Variants in PCSK5 observed in about 807,000 individuals in gnomAD.
The protein encoded by PCSK5 is prohormone convertase 5.
Under a neutral mutation model 233.2 loss-of-function variants are expected in PCSK5, and 129 were observed. The ratio of observed to expected loss-of-function variants is 0.55; its 90% CI spans 0.48 to 0.64. The LOEUF (loss-of-function observed/expected upper bound fraction) is 0.64, where lower values mean the gene tolerates loss of function less well. PCSK5 is among the 30% of genes least tolerant of loss of function. The probability of loss-of-function intolerance (pLI) is 0.00; values close to 1 mark genes in which losing one functional copy is unlikely to be tolerated. For synonymous variants in PCSK5, 825 were observed against 879.2 expected (o/e 0.94, Z 1.09); for missense variants, 2,076 against 2,430.1 (o/e 0.85, Z 3.06).
intron 20 of PCSK5, among the ~76,000 whole-genome samples, chr9:76,192,431 TA>T (rs1223220462): frequency 6.6e-6 from 1 of 152,202 alleles, no homozygotes; most frequent in African/African-American, 2.4e-5. Context: ...TTCTAAGACA[TA>T]TATTTTTTAC....
intron 20 of PCSK5, among the ~76,000 whole-genome samples, chr9:76,212,272 T>G (rs572521203): frequency 1.3e-5 from 2 of 152,310 alleles, no homozygotes; most frequent in South Asian, 2.1e-4. Context: ...GCACTCCTGA[T>G]TGCTTATGGC....
chr9:75,957,459 C>T (rs1328532695), intron 2 of PCSK5, among the ~76,000 whole-genome samples: 1 of 152,132 alleles, frequency 6.6e-6, no homozygotes, highest in Admixed American at 6.6e-5. Flanking sequence ...ATTTCCTACA[C>T]TTGATGACTT....
At chr9:76,250,307 A>C (rs1826761510) in intron 24 of PCSK5, among the ~76,000 whole-genome samples, 1 of 152,206 alleles carries the variant, frequency 6.6e-6, no homozygotes, top group African/African-American at 2.4e-5. Flanking sequence ...TCTCAAAATA[A>C]GAAAGAAAGT....
At chr9:76,055,772 A>G (rs766468538) in intron 5 of PCSK5, among the ~76,000 whole-genome samples, 40 of 152,318 alleles carry the variant, frequency 2.6e-4, no homozygotes, top group Middle Eastern at 6.8e-3. Context: ...ACAAGGAGCT[A>G]GGATACCCTG....
intron 7 of PCSK5, among the ~76,000 whole-genome samples, chr9:76,084,277 C>T (rs1454287607): frequency 6.6e-6 from 1 of 152,186 alleles, no homozygotes; most frequent in East Asian, 1.9e-4. Flanking sequence ...ATCCAAGTAT[C>T]AAATTTAGGT....
intron 20 of PCSK5, chr9:76,193,307 G>C (rs201957144): frequency 1.2e-6 from 2 of 1,612,100 alleles, no homozygotes; most frequent in African/African-American, 2.7e-5. Flanking sequence ...GCCAACGGAA[G>C]GTTCTTCAAC....
At chr9:75,901,219 C>T (rs964570261) in intron 1 of PCSK5, among the ~76,000 whole-genome samples, 2 of 152,144 alleles carry the variant, frequency 1.3e-5, no homozygotes, top group Admixed American at 1.3e-4. Flanking sequence ...TTGGAACCAA[C>T]CCAAATGCCC....
intron 24 of PCSK5, among the ~76,000 whole-genome samples, chr9:76,247,582 TAGTC>T (rs1826656566): frequency 6.6e-6 from 1 of 152,164 alleles, no homozygotes; most frequent in African/African-American, 2.4e-5. Flanking sequence ...TAGGGATTCT[TAGTC>T]AGCCTAGGAA....
Position 76,176,424 on chromosome 9 carries a change from T to C in PCSK5, c.1900+1295T>C, listed in dbSNP as rs1587720924. On this transcript the variant is annotated intron_variant, in intron 14 of 37. Transcript: ENST00000674117. ...TTTTCATTTCATGATGTTATTTTTA[T>C]ATTTGTAGAACATCTGCTTCCCATT... Among the ~76,000 whole-genome samples the C allele has an allele frequency of 5.3e-5, 8 of 152,342 alleles. No individual in the cohort carries two copies. The South Asian group carries it at 1.7e-3, about 32-fold the overall frequency.
intron 4 of PCSK5, among the ~76,000 whole-genome samples, chr9:76,026,395 G>A (rs10781328): frequency 0.1 from 15,912 of 152,098 alleles, 938 homozygotes; most frequent in East Asian, 0.22. Flanking sequence ...ACAATACCTG[G>A]AACCAGACGA....
At chr9:75,944,184 A>AT (rs1554663520) in intron 2 of PCSK5, among the ~76,000 whole-genome samples, 5,593 of 149,516 alleles carry the variant, frequency 0.037, 138 homozygotes, top group Admixed American at 0.062. Flanking sequence ...AAAGAAAAAA[A>AT]ATATATATAT....
chr9:76,022,693 A>G lies in PCSK5; in HGVS notation c.412-1045A>G, dbSNP rs549491806. Reference sequence around the variant, plus strand: ...AGCTGCTGCCTTAATTTGTTTTTCAATATGTTTGTATGTTGTAGCCATTGC... The same window carrying G: ...AGCTGCTGCCTTAATTTGTTTTTCAGTATGTTTGTATGTTGTAGCCATTGC... On this transcript the variant is annotated intron_variant, in intron 3 of 37. Coordinates refer to ENST00000674117, the MANE Select transcript of PCSK5 (RefSeq NM_001372043.1). 3.7e-4 allele frequency among the ~76,000 whole-genome samples: 57 copies of G among 152,272 alleles called. No individual in the cohort carries two copies. The South Asian group carries it at 6.2e-3, about 17-fold the overall frequency.
At chr9:76,132,214 G>A (rs1822786930) in intron 9 of PCSK5, among the ~76,000 whole-genome samples, 1 of 152,072 alleles carries the variant, frequency 6.6e-6, no homozygotes, top group African/African-American at 2.4e-5. Context: ...AATGAATTTA[G>A]TGTTTGTCAG....
chr9:76,314,640 GTGTT>G (rs904675590), intron 30 of PCSK5, among the ~76,000 whole-genome samples: 6 of 151,958 alleles, frequency 3.9e-5, no homozygotes, highest in African/African-American at 1.4e-4. Context: ...AAAAAAAAAA[GTGTT>G]TGTTTTTTTT....
At chr9:76,308,820 G>A in intron 29 of PCSK5, 92 bp downstream of exon 29, 1 of 754,610 alleles carries the variant, frequency 1.3e-6, no homozygotes, top group Non-Finnish European at 2.3e-6. Flanking sequence ...AGGTCTGTAA[G>A]GCCTTGATCT....
intron 10 of PCSK5, among the ~76,000 whole-genome samples, chr9:76,145,691 A>G (rs1326994452): frequency 6.6e-6 from 1 of 152,218 alleles, no homozygotes; most frequent in African/African-American, 2.4e-5. Context: ...CACTGAGACC[A>G]TGGTAAGTGG....
At chr9:75,994,396 C>CTTTTTTTTTTTT (rs1826907729) in intron 3 of PCSK5, among the ~76,000 whole-genome samples, 1 of 68,326 alleles carries the variant, frequency 1.5e-5, no homozygotes, top group African/African-American at 5.4e-5. Context: ...TTCTTTCTTT[C>CTTTTTTTTTTTT]TTTCTTTTTT....
At chr9:76,067,456 C>T (rs1376018300) in intron 5 of PCSK5, among the ~76,000 whole-genome samples, 2 of 152,086 alleles carry the variant, frequency 1.3e-5, no homozygotes, top group Non-Finnish European at 2.9e-5. Context: ...AAGCACATCA[C>T]GTTTCTGCTA....
At chr9:75,929,090 A>G (rs984116086) in intron 1 of PCSK5, among the ~76,000 whole-genome samples, 2 of 151,980 alleles carry the variant, frequency 1.3e-5, no homozygotes, top group African/African-American at 2.4e-5. Context: ...CGTGTACCAC[A>G]TGCCCAGCTA....
Sources: allele counts gnomAD v4.1 joint callset (sites outside exome capture counted in the v4.1 genomes callset), GRCh38; gene constraint gnomAD v4.1.1; transcripts MANE v1.5; gene names NCBI Gene and HGNC (gene_info 2026-07-23, HGNC 2026-07-21).